The following COL3A1 variants were observed in gnomAD, a reference collection of about 807,000 sequenced individuals.
COL3A1 encodes the protein collagen alpha-1(III) chain.
In COL3A1, 46 loss-of-function variants were observed where a neutral mutation model predicts 200.9. The ratio of observed to expected loss-of-function variants is 0.23; its 90% CI spans 0.18 to 0.29. COL3A1 has a LOEUF of 0.29. Among genes scored for constraint, COL3A1 ranks in the 10% least tolerant of loss-of-function variants. COL3A1 has a pLI of 1.00. For missense variants in COL3A1, 1,367 were observed against 1,917.6 expected, an observed-to-expected ratio of 0.71 and a Z score of 5.36; for synonymous variants, 650 against 628.0, an observed-to-expected ratio of 1.03 and a Z score of -0.52.
chr2:188,987,163 T>C, intron 5 of COL3A1, 24 bp downstream of exon 5: 1 of 1,576,060 alleles, frequency 6.3e-7, no homozygotes, highest in East Asian at 2.2e-5. Context: ...TTTCTCAGCA[T>C]TTTGGAGCTT....
chr2:189,003,396 T>G lies in COL3A1; in HGVS notation c.2554-15T>G, dbSNP rs1433083892. 7 of 1,612,896 alleles carry G rather than the reference T, an allele frequency of 4.3e-6. No homozygotes were observed. The highest frequency in any genetic ancestry group is 5.1e-6 in the Non-Finnish European group (6 of 1,179,136). ...TTGGTGCTATTCTTACATAATTTCC[T>G]TCCATTTCATATAGGGTCCTCCTGG... On this transcript the variant is annotated splice_polypyrimidine_tract_variant and intron_variant, in intron 36 of 50. Coordinates refer to ENST00000304636, the MANE Select transcript of COL3A1 (RefSeq NM_000090.4).
At position 189,009,228 on chromosome 2, in the gene COL3A1, T is replaced by A; in HGVS notation, c.3823+7T>A. ...CATCCTGAACTCAAGAGTGGTATGT[T>A]TGGTAGTCTTTCATCTTCATGGCAA... On this transcript the variant is annotated splice_region_variant and intron_variant, in intron 48 of 50. Coordinates refer to ENST00000304636, the MANE Select transcript of COL3A1 (RefSeq NM_000090.4). The A allele has an allele frequency of 3.1e-6, 5 of 1,614,052 alleles. No individual in the cohort carries two copies. The highest frequency in any genetic ancestry group is 4.2e-6 in the Non-Finnish European group (5 of 1,180,032).
chr2:189,002,824 A>G (rs1688496900), intron 35 of COL3A1, 131 bp from the exon 36 acceptor site: 1 of 758,518 alleles, frequency 1.3e-6, no homozygotes, highest in Admixed American at 2.2e-5. Flanking sequence ...ATGTCTTCAG[A>G]AAGCCTTGTT....
chr2:189,008,229 T>G, intron 47 of COL3A1, 87 bp downstream of exon 47: 1 of 1,160,984 alleles, frequency 8.6e-7, no homozygotes, highest in Non-Finnish European at 1.3e-6. Flanking sequence ...TAAATTGAAA[T>G]AGAGAGACGC....
rs1688386780 is a variant in COL3A1 at position 188,998,732 on chromosome 2, T to G, written c.2022+14T>G. 8 of 1,612,870 alleles carry G rather than the reference T, an allele frequency of 5.0e-6. No individual in the cohort carries two copies. The East Asian group carries it at 1.6e-4, about 31-fold the overall frequency. Reference sequence around the variant, plus strand: ...CCAGGAGGCAAGGTAGTATTTCAATTTATTCTCTACCTTCTTCAGCAGGTT... The same window carrying G: ...CCAGGAGGCAAGGTAGTATTTCAATGTATTCTCTACCTTCTTCAGCAGGTT... On this transcript the variant is annotated intron_variant, in intron 29 of 50. Transcript: ENST00000304636.
At chr2:189,005,675 T>C (rs1421590838) in intron 41 of COL3A1, 7 of 605,710 alleles carry the variant, frequency 1.2e-5, no homozygotes, top group Non-Finnish European at 2.1e-5. Context: ...GGAGAAAATA[T>C]TATCTCTAAC....
rs1366158273 is a variant in COL3A1 at position 189,011,487 on chromosome 2, G to C, written c.4255-141G>C. The C allele has an allele frequency of 6.9e-6, 6 of 870,054 alleles. No homozygotes were observed. The East Asian group carries it at 1.6e-4, about 23-fold the overall frequency. 53.9% of individuals were successfully genotyped at this position (870,054 alleles called of 1,614,324 possible). A position where few individuals can be genotyped will look rare whatever the true frequency, so the allele number is the denominator to read the frequency against. On this transcript the variant is annotated intron_variant, in intron 50 of 50. Transcript: ENST00000304636. The stretch of plus-strand genomic sequence containing the variant: ...CTAAGAAGATTACAGCTTTGAAGTA[G>C]AGCAGGTCTCATATACATGAATAAT...
intron 24 of COL3A1, 108 bp from the exon 25 acceptor site, chr2:188,997,046 TATATATATGAG>T (rs1164242432): frequency 1.4e-6 from 1 of 697,268 alleles, no homozygotes; most frequent in African/African-American, 1.9e-5. Context: ...ATATGAGACA[TATATATATGAG>T]ACATATATAT....
At chr2:189,006,544 C>A in intron 43 of COL3A1, 92 bp downstream of exon 43, 1 of 1,185,984 alleles carries the variant, frequency 8.4e-7, no homozygotes, top group African/African-American at 1.5e-5. Flanking sequence ...ATCTGCCAAC[C>A]AAAATATCCA....
At chr2:188,986,337 G>C (rs1221767439) in intron 4 of COL3A1, among the ~76,000 whole-genome samples, 1 of 151,986 alleles carries the variant, frequency 6.6e-6, no homozygotes, top group Admixed American at 6.6e-5. Flanking sequence ...AATTTCTGTT[G>C]CATGGAATTA....
intron 43 of COL3A1, 62 bp downstream of exon 43, chr2:189,006,514 G>A: frequency 6.7e-7 from 1 of 1,500,762 alleles, no homozygotes; most frequent in Non-Finnish European, 9.2e-7. Flanking sequence ...GACATTTGTA[G>A]GTAGAAGGTA....
At chr2:188,997,001 G>C (rs1017894316) in intron 24 of COL3A1, among the ~76,000 whole-genome samples, 164 bp from the exon 25 acceptor site, 2 of 141,420 alleles carry the variant, frequency 1.4e-5, no homozygotes, top group African/African-American at 5.5e-5. Context: ...AAATATGTAT[G>C]TGTGTGTGTG....
chr2:188,985,386 G>A, intron 3 of COL3A1, 139 bp downstream of exon 3: 1 of 757,944 alleles, frequency 1.3e-6, no homozygotes, highest in Non-Finnish European at 2.3e-6. Flanking sequence ...ACAACAGACT[G>A]AGAATCCATA....
chr2:188,999,408 CTAGGTTTAAAAAATGCA>C, intron 30 of COL3A1, 25 bp downstream of exon 30: 1 of 1,613,712 alleles, frequency 6.2e-7, no homozygotes, highest in African/African-American at 1.3e-5. Flanking sequence ...TTCCATTCAC[CTAGGTTTAAAAAATGCA>C]TTTGATTTCC....
Position 188,996,359 on chromosome 2 carries a change from C to G in COL3A1, c.1663-39C>G, listed in dbSNP as rs1183052784. The G allele has an allele frequency of 2.6e-6, 4 of 1,530,156 alleles. No individual in the cohort carries two copies. In the Middle Eastern group the frequency reaches 5.6e-4, roughly 214 times the overall value. 94.8% of individuals were successfully genotyped at this position (1,530,156 alleles called of 1,614,324 possible). A position where few individuals can be genotyped will look rare whatever the true frequency, so the allele number is the denominator to read the frequency against. ...TATATATAGCATGCTTTAATCTTCT[C>G]TTTATCAAACCTTTATTAATGTAAT... On this transcript the variant is annotated intron_variant, in intron 23 of 50. Transcript: ENST00000304636.
chr2:188,992,991 A>G (rs1347540956), intron 15 of COL3A1, 51 bp downstream of exon 15: 3 of 1,552,354 alleles, frequency 1.9e-6, no homozygotes, highest in Admixed American at 3.3e-5. Context: ...GAGGCAAGAG[A>G]AAAGCATTAG....
At chr2:189,001,248 G>A in intron 32 of COL3A1, 149 bp from the exon 33 acceptor site, 1 of 698,080 alleles carries the variant, frequency 1.4e-6, no homozygotes, top group Non-Finnish European at 2.4e-6. Flanking sequence ...TACACATTGA[G>A]AGAAAAGCAT....
intron 1 of COL3A1, among the ~76,000 whole-genome samples, chr2:188,976,336 T>C (rs1687814716): frequency 6.6e-6 from 1 of 152,114 alleles, no homozygotes; most frequent in African/African-American, 2.4e-5. Flanking sequence ...TAAGTTCTGT[T>C]TATTTCCCTC....
chr2:189,003,539 C>G, intron 37 of COL3A1, 75 bp downstream of exon 37: 2 of 1,437,868 alleles, frequency 1.4e-6, no homozygotes, highest in Non-Finnish European at 2.0e-6. Context: ...GCATTTGAGA[C>G]ACTAGTTCCA....
Sources: allele counts gnomAD v4.1 joint callset (sites outside exome capture counted in the v4.1 genomes callset), GRCh38; gene constraint gnomAD v4.1.1; transcripts MANE v1.5; gene names NCBI Gene and HGNC (gene_info 2026-07-23, HGNC 2026-07-21).